The following AGBL4 variants were observed in gnomAD, a reference collection of about 807,000 sequenced individuals.
AGBL4 encodes AGBL carboxypeptidase 4, also known as cytosolic carboxypeptidase 6.
AGBL4 carries 58 observed loss-of-function variants against 66.4 expected under a neutral mutation model. The ratio of observed to expected loss-of-function variants is 0.87; its 90% CI spans 0.71 to 1.09. AGBL4 has a LOEUF of 1.09. Among genes scored for constraint, AGBL4 ranks in the 50% least tolerant of loss-of-function variants. The pLI is 0.00. For missense variants in AGBL4, 579 were observed against 631.0 expected (o/e 0.92, Z 0.88); for synonymous variants, 234 against 222.9 (o/e 1.05, Z -0.44).
At chr1:49,634,914 T>A (rs1280783450) in intron 3 of AGBL4, among the ~76,000 whole-genome samples, 1 of 152,188 alleles carries the variant, frequency 6.6e-6, no homozygotes, top group Non-Finnish European at 1.5e-5. Flanking sequence ...TGTTGAGGCA[T>A]CAGAGAGATG....
At chr1:48,525,936 C>T in the AGBL4 span, among the ~76,000 whole-genome samples, 5 of 152,100 alleles carry the variant, frequency 3.3e-5, no homozygotes, top group South Asian at 4.1e-4. Flanking sequence ...AGGAGCTGGG[C>T]GTCCTTTGCA....
At chr1:48,711,076 C>G (rs320055) in intron 6 of AGBL4, among the ~76,000 whole-genome samples, 132,665 of 152,116 alleles carry the variant, frequency 0.87, 60,522 homozygotes, top group Non-Finnish European at 1. Context: ...TCACCCTTGA[C>G]TGGAGGTCCT....
At chr1:49,090,369 GACAA>G (rs775966382) in intron 4 of AGBL4, among the ~76,000 whole-genome samples, 4 of 152,100 alleles carry the variant, frequency 2.6e-5, no homozygotes, top group African/African-American at 4.8e-5. Context: ...TCCTAGATCT[GACAA>G]ACAACTTTAG....
intron 3 of AGBL4, among the ~76,000 whole-genome samples, chr1:49,252,288 C>G (rs1652130938): frequency 6.6e-6 from 1 of 151,822 alleles, no homozygotes; most frequent in Non-Finnish European, 1.5e-5. Flanking sequence ...GCAGAACAGA[C>G]CAAGCAGAGG....
At chr1:49,769,797 A>G (rs1287876403) in intron 2 of AGBL4, among the ~76,000 whole-genome samples, 1 of 152,226 alleles carries the variant, frequency 6.6e-6, no homozygotes, top group Non-Finnish European at 1.5e-5. Flanking sequence ...ATCAAGTTAT[A>G]CAAAAATTAA....
At chr1:49,076,676 C>T (rs960911273) in intron 4 of AGBL4, among the ~76,000 whole-genome samples, 2 of 152,158 alleles carry the variant, frequency 1.3e-5, no homozygotes, top group Non-Finnish European at 2.9e-5. Context: ...TTTGTCAACA[C>T]ACATTGAGCA....
At chr1:48,941,238 T>C (rs1373713484) in intron 5 of AGBL4, among the ~76,000 whole-genome samples, 1 of 152,164 alleles carries the variant, frequency 6.6e-6, no homozygotes, top group Non-Finnish European at 1.5e-5. Flanking sequence ...TCAAAAGAGA[T>C]GGATCACTAA....
chr1:49,598,000 T>C (rs1227697294), intron 3 of AGBL4, among the ~76,000 whole-genome samples: 3 of 152,228 alleles, frequency 2.0e-5, no homozygotes. Context: ...TATGTGAATA[T>C]GCTTTATTTC....
chr1:48,847,232 G>A (rs187310032), intron 6 of AGBL4, among the ~76,000 whole-genome samples: 27 of 152,234 alleles, frequency 1.8e-4, no homozygotes, highest in African/African-American at 4.6e-4. Flanking sequence ...CCCAGGAAGC[G>A]GAGGTTGCAG....
chr1:50,001,628 T>G (rs1481149666), intron 1 of AGBL4, among the ~76,000 whole-genome samples: 1 of 151,508 alleles, frequency 6.6e-6, no homozygotes, highest in Non-Finnish European at 1.5e-5. Flanking sequence ...AAATAAGAAA[T>G]TAAGGAGAAA....
chr1:49,580,352 T>A (rs773742733), intron 3 of AGBL4, among the ~76,000 whole-genome samples: 3 of 152,204 alleles, frequency 2.0e-5, no homozygotes, highest in Non-Finnish European at 4.4e-5. Flanking sequence ...GCTACTGTAA[T>A]GTTGTTAATA....
chr1:49,591,023 A>G (rs1022007024), intron 3 of AGBL4, among the ~76,000 whole-genome samples: 2 of 152,120 alleles, frequency 1.3e-5, no homozygotes, highest in African/African-American at 4.8e-5. Flanking sequence ...TTAGAGGAAA[A>G]TGTATAGCTT....
intron 4 of AGBL4, among the ~76,000 whole-genome samples, chr1:49,097,140 T>A (rs373132676): frequency 6.6e-6 from 1 of 152,196 alleles, no homozygotes; most frequent in Non-Finnish European, 1.5e-5. Flanking sequence ...TCATACAATA[T>A]ACATACTTGA....
intron 4 of AGBL4, chr1:49,187,464 C>G (rs1412210052): frequency 6.6e-6 from 1 of 152,128 alleles, no homozygotes; most frequent in African/African-American, 2.4e-5. Flanking sequence ...CGGAGACACA[C>G]AACCATCTAT....
intron 1 of AGBL4, among the ~76,000 whole-genome samples, chr1:49,959,916 A>C (rs1262215458): frequency 6.6e-6 from 1 of 152,112 alleles, no homozygotes; most frequent in African/African-American, 2.4e-5. Context: ...TAACACAGAA[A>C]CAGAAAACCA....
chr1:49,350,753 C>A (rs1295119817), intron 3 of AGBL4, among the ~76,000 whole-genome samples: 1 of 151,260 alleles, frequency 6.6e-6, no homozygotes, highest in African/African-American at 2.4e-5. Context: ...ATCATTCATC[C>A]CCCTCCTAAC....
At chr1:49,721,348 C>T (rs1444386199) in intron 2 of AGBL4, among the ~76,000 whole-genome samples, 1 of 151,936 alleles carries the variant, frequency 6.6e-6, no homozygotes, top group Non-Finnish European at 1.5e-5. Flanking sequence ...TCTTTGGGTC[C>T]GTGCCACCTT....
rs190558473 is a variant in AGBL4, at chr1:49,274,611, G to T, written c.283-28747C>A. On this transcript the variant is annotated intron_variant, in intron 3 of 13. Transcript: ENST00000371839. Reference sequence around the variant, plus strand: ...TTTGATTCTTCCTAAAAAGTAATTTGTAATCAGATACAGTACAAAATTTGC... The same window carrying T: ...TTTGATTCTTCCTAAAAAGTAATTTTTAATCAGATACAGTACAAAATTTGC... Among the ~76,000 whole-genome samples, 54 of 152,086 alleles carry T rather than the reference G, an allele frequency of 3.6e-4. 1 individual carries two copies. The East Asian group carries it at 0.01, about 29-fold the overall frequency.
At chr1:48,580,347 T>G (rs1000242546) in intron 11 of AGBL4, among the ~76,000 whole-genome samples, 3 of 152,168 alleles carry the variant, frequency 2.0e-5, no homozygotes, top group Non-Finnish European at 4.4e-5. Context: ...TTTTCTCCTC[T>G]CCCTCATCTT....
Sources: gnomAD v4.1 joint callset for allele counts (sites outside exome capture counted in the v4.1 genomes callset) on GRCh38, gnomAD v4.1.1 for gene constraint, MANE v1.5 for transcripts, NCBI Gene and HGNC (gene_info 2026-07-23, HGNC 2026-07-21) for gene names.